The following CHADL variants were observed in gnomAD, a reference collection of about 807,000 sequenced individuals.
CHADL encodes chondroadherin-like protein.
Under a neutral mutation model 52.1 loss-of-function variants are expected in CHADL, and 48 were observed. The ratio of observed to expected loss-of-function variants is 0.92; its 90% CI spans 0.73 to 1.17. CHADL has a LOEUF of 1.17. CHADL is among the 50% of genes most tolerant of loss of function. CHADL has a pLI of 0.00. For missense variants in CHADL, 977 were observed against 1,035.1 expected (o/e 0.94, Z 0.77); for synonymous variants, 498 against 511.2 (o/e 0.97, Z 0.35).
chr22:41,237,479 G>A lies in CHADL; in HGVS notation c.1593C>T (p.Asn531=). Residue 531 remains asparagine (N), a synonymous_variant, in exon 3 of 6, where the codon AAC becomes AAT. Transcript: ENST00000216241. ...CCCCAGGTGCCAGGCGGTCCACAGCGTTGTCCTGCAGGTGCAGGGAGAAGA... is the reference window on the plus strand; with the variant it reads ...CCCCAGGTGCCAGGCGGTCCACAGCATTGTCCTGCAGGTGCAGGGAGAAGA... The part of the protein sequence containing the change: ...PSLFSLHLQD[N]AVDRLAPGDL... The A allele has an allele frequency of 2.6e-6, 4 of 1,550,552 alleles. No homozygotes were observed. Among genetic ancestry groups the A allele is most frequent in the Non-Finnish European group, 3.5e-6 (4 of 1,146,960 alleles).
At chr22:41,232,209 G>A (rs2032625178) in intron 5 of CHADL, among the ~76,000 whole-genome samples, 4 of 151,934 alleles carry the variant, frequency 2.6e-5, no homozygotes, top group South Asian at 4.1e-4. Flanking sequence ...GCAGTCACCT[G>A]TAATCCCAGC....
intron 4 of CHADL, among the ~76,000 whole-genome samples, chr22:41,235,911 G>A (rs1001290357): frequency 1.3e-5 from 2 of 151,846 alleles, no homozygotes; most frequent in Non-Finnish European, 2.9e-5. Flanking sequence ...TCACTCTGTC[G>A]CCCAGGCTGG....
intron 5 of CHADL, among the ~76,000 whole-genome samples, chr22:41,234,690 A>T (rs992878954): frequency 2.6e-5 from 4 of 152,086 alleles, no homozygotes; most frequent in Admixed American, 2.0e-4. Context: ...AGTAGCTGGG[A>T]CTACAAGCGC....
At chr22:41,235,110 C>A (rs766633705) in intron 5 of CHADL, 35 bp downstream of exon 5, 20 of 1,544,998 alleles carry the variant, frequency 1.3e-5, no homozygotes, top group Non-Finnish European at 1.7e-5. Context: ...GCCCACCACC[C>A]ACCAAGGTCT....
Position 41,238,045 on chromosome 22 carries a change from G to C in CHADL, c.1027C>G (p.Arg343Gly), listed in dbSNP as rs1401740686. 3 of 1,272,360 alleles carry C rather than the reference G, an allele frequency of 2.4e-6. No individual in the cohort carries two copies. Among genetic ancestry groups the C allele is most frequent in the African/African-American group, 3.1e-5 (2 of 63,910 alleles). 78.8% of individuals were successfully genotyped at this position (1,272,360 alleles called of 1,614,324 possible). A position where few individuals can be genotyped will look rare whatever the true frequency, so the allele number is the denominator to read the frequency against. ...DGACQGPRRLRGEALDALRPW... is the reference protein window; with the variant it reads ...DGACQGPRRLGGEALDALRPW... ...CGCAGGGCGTCCAGAGCCTCGCCCCGCAGGCGCCGCGGCCCCTGGCACGCG... is the reference window on the plus strand; with the variant it reads ...CGCAGGGCGTCCAGAGCCTCGCCCCCCAGGCGCCGCGGCCCCTGGCACGCG... The change falls in exon 3 of 6, where the codon CGG (arginine) becomes GGG (glycine). Residue 343 changes from arginine to glycine, a missense_variant. Transcript: ENST00000216241. This position sits in a 1 kb window ranked among gnomAD's most constrained non-coding sequence, Gnocchi z 4.9.
At position 41,238,113 on chromosome 22, in the gene CHADL, G is replaced by GGCCGCGCCTGGCA; in HGVS notation, c.946_958dup (p.Pro320LeufsTer179). The GGCCGCGCCTGGCA allele has an allele frequency of 7.5e-7, 1 of 1,339,780 alleles. No homozygotes were observed. The highest frequency in any genetic ancestry group is 9.5e-7 in the Non-Finnish European group (1 of 1,053,744). The allele number at this position is 1,339,780 out of a possible 1,614,324, so 83.0% of individuals were successfully genotyped here. A position where few individuals can be genotyped will look rare whatever the true frequency, so the allele number is the denominator to read the frequency against. On this transcript the variant is annotated frameshift_variant, in exon 3 of 6. Transcript: ENST00000216241. LOFTEE classifies it high-confidence loss of function. The surrounding 1 kb of genome is among the most constrained non-coding windows in gnomAD (Gnocchi z 4.9). ...CGCCCGCGCCAGCCACTCGAGTAGG[G>GGCCGCGCCTGGCA]GCCGCGCCTGGCAGCCGCACCACAG...
chr22:41,239,046 C>A (rs1306043546), intron 2 of CHADL, among the ~76,000 whole-genome samples, 161 bp from the exon 3 acceptor site: 1 of 152,212 alleles, frequency 6.6e-6, no homozygotes, highest in Non-Finnish European at 1.5e-5. Flanking sequence ...CTCCAGTGCC[C>A]TGGGCATCAC....
intron 5 of CHADL, 119 bp from the exon 6 acceptor site, chr22:41,229,849 C>A (rs1322356042): frequency 2.1e-6 from 2 of 935,370 alleles, no homozygotes; most frequent in Non-Finnish European, 3.4e-6. Flanking sequence ...GAGCTGAGTC[C>A]CCCTCTAGCC....
At chr22:41,236,387 G>A (rs1330382279) in intron 4 of CHADL, 97 bp downstream of exon 4, 9 of 1,122,796 alleles carry the variant, frequency 8.0e-6, no homozygotes, top group African/African-American at 3.1e-5. Context: ...CAAGCTGCTC[G>A]GATGGGCATG....
At position 41,237,579 on chromosome 22, in the gene CHADL, C is replaced by T; in HGVS notation, c.1493G>A (p.Arg498His). The T allele has an allele frequency of 6.4e-7, 1 of 1,550,486 alleles. No homozygotes were observed. Among genetic ancestry groups the T allele is most frequent in the Admixed American group, 2.0e-5 (1 of 51,008 alleles). The change falls in exon 3 of 6, where the codon CGC (arginine) becomes CAC (histidine). Residue 498 changes from arginine to histidine, a missense_variant. Arg to His is a conservative substitution (Grantham distance 29). Transcript: ENST00000216241. ...GCGTTCTAGGTACAGGTAGCCGAGG[C>T]GGGGAGCCCCTTCAAGGGCAGCAGC... is the stretch of plus-strand genomic sequence containing the variant. The part of the protein sequence containing the change: ...LSAAALEGAP[R>H]LGYLYLERNR...
At chr22:41,233,584 A>AC (rs893292878) in intron 5 of CHADL, among the ~76,000 whole-genome samples, 18 of 152,302 alleles carry the variant, frequency 1.2e-4, no homozygotes, top group African/African-American at 4.3e-4. Context: ...ATCAGGGAGC[A>AC]CCTGGGGCCA....
At chr22:41,234,400 TG>T (rs1262629053) in intron 5 of CHADL, among the ~76,000 whole-genome samples, 1 of 143,388 alleles carries the variant, frequency 7.0e-6, no homozygotes, top group African/African-American at 2.8e-5. Flanking sequence ...TTATTATTAT[TG>T]AGACGGAGTC....
At chr22:41,236,457 G>T (rs1569158773) in intron 4 of CHADL, 27 bp downstream of exon 4, 2 of 1,543,908 alleles carry the variant, frequency 1.3e-6, no homozygotes, top group Non-Finnish European at 1.8e-6. Flanking sequence ...GTGGTCTTTG[G>T]CTGGAGGTCT....
At chr22:41,236,785 G>A (rs139494) in intron 3 of CHADL, 135 bp from the exon 4 acceptor site, 89 of 892,824 alleles carry the variant, frequency 1.0e-4, no homozygotes, top group Non-Finnish European at 1.4e-4. Context: ...GAAGTGCAGC[G>A]CTGGGTCAAA....
Position 41,238,515 on chromosome 22 carries a change from C to T in CHADL, c.557G>A (p.Trp186Ter). 1 of 1,542,570 alleles carries T rather than the reference C, an allele frequency of 6.5e-7. No homozygotes were observed. The highest frequency in any genetic ancestry group is 1.2e-5 in the South Asian group (1 of 83,894). The change falls in exon 3 of 6, where the codon TGG becomes TAG. Residue 186 changes from tryptophan to a stop codon, truncating the protein, a stop_gained. Transcript: ENST00000216241. LOFTEE classifies it high-confidence loss of function. This position sits in a 1 kb window ranked among gnomAD's most constrained non-coding sequence, Gnocchi z 4.9. ...GAGCGCGTTGTGCGACAGCCGCAGC[C>T]AGCGGACGCGCAGTAGCCCCTGGAA... ...MAFQGLLRVRWLRLSHNALSV... is the reference protein window; with the variant it reads ...MAFQGLLRVR
Position 41,238,888 on chromosome 22 carries a change from G to A in CHADL, c.187-3C>T, listed in dbSNP as rs1306620752. On this transcript the variant is annotated splice_region_variant and splice_polypyrimidine_tract_variant and intron_variant, in intron 2 of 5. Coordinates refer to ENST00000216241, the MANE Select transcript of CHADL (RefSeq NM_138481.2). This position sits in a 1 kb window ranked among gnomAD's most constrained non-coding sequence, Gnocchi z 4.9. ...TGCAGGTCCAGCCGCTGGGTCAGCT[G>A]GGGACAGCGAGGAGAAAGTGGGGCT... 2 of 1,528,738 alleles carry A rather than the reference G, an allele frequency of 1.3e-6. No homozygotes were observed. Among genetic ancestry groups the A allele is most frequent in the African/African-American group, 2.8e-5 (2 of 72,638 alleles). The allele number at this position is 1,528,738 out of a possible 1,614,324, so 94.7% of individuals were successfully genotyped here. A position where few individuals can be genotyped will look rare whatever the true frequency, so the allele number is the denominator to read the frequency against.
chr22:41,237,759 G>A lies in CHADL; in HGVS notation c.1313C>T (p.Pro438Leu). 4 of 1,538,552 alleles carry A rather than the reference G, an allele frequency of 2.6e-6. No individual in the cohort carries two copies. The highest frequency in any genetic ancestry group is 3.5e-6 in the Non-Finnish European group (4 of 1,142,308). Residue 438 changes from proline (P) to leucine (L), a missense_variant, in exon 3 of 6, where the codon CCC (proline) becomes CTC (leucine). Physicochemically the swap from Pro to Leu is moderately conservative, Grantham distance 98. Coordinates refer to ENST00000216241, the MANE Select transcript of CHADL (RefSeq NM_138481.2). Reference sequence around the variant, plus strand: ...GGGGAAGGCCGCTCGGGGCACCGAGGGGAAGTGGTTCCGCCTCAGGTCCAG... The same window carrying A: ...GGGGAAGGCCGCTCGGGGCACCGAGAGGAAGTGGTTCCGCCTCAGGTCCAG... ...QLLDLRRNHF[P>L]SVPRAAFPGL...
rs2032787114 is a variant in CHADL, at chr22:41,238,242, C to G, written c.830G>C (p.Cys277Ser). ...QALGPRAFAH[C>S]PRLHTLDLRG... Reference sequence around the variant, plus strand: ...GAGGTCGAGGGTGTGCAGGCGCGGACAGTGTGCGAAGGCCCTGGGACCCAG... The same window carrying G: ...GAGGTCGAGGGTGTGCAGGCGCGGAGAGTGTGCGAAGGCCCTGGGACCCAG... The change falls in exon 3 of 6, where the codon TGT becomes TCT. Residue 277 changes from cysteine to serine, a missense_variant. Physicochemically the swap from Cys to Ser is moderately radical, Grantham distance 112. Transcript: ENST00000216241. The surrounding 1 kb of genome is among the most constrained non-coding windows in gnomAD (Gnocchi z 4.9). The G allele has an allele frequency of 6.5e-7, 1 of 1,530,422 alleles. No homozygotes were observed. The highest frequency in any genetic ancestry group is 2.0e-5 in the Admixed American group (1 of 50,840). The allele number at this position is 1,530,422 out of a possible 1,614,324, so 94.8% of individuals were successfully genotyped here.
chr22:41,232,287 G>A (rs1221774586), intron 5 of CHADL, among the ~76,000 whole-genome samples: 1 of 150,580 alleles, frequency 6.6e-6, no homozygotes, highest in Non-Finnish European at 1.5e-5. Context: ...AGCCGAGATT[G>A]CACCACTGCA....
Sources: allele counts gnomAD v4.1 joint callset (sites outside exome capture counted in the v4.1 genomes callset), GRCh38; gene constraint gnomAD v4.1.1; non-coding constraint Gnocchi (gnomAD v3.1); transcripts MANE v1.5; gene names NCBI Gene and HGNC (gene_info 2026-07-23, HGNC 2026-07-21).